UNC5A: variants seen among roughly 807,000 people sequenced by gnomAD.
UNC5A encodes the protein netrin receptor UNC5A.
UNC5A carries 20 observed loss-of-function variants against 87.4 expected under a neutral mutation model. The observed-to-expected ratio is 0.23, with a 90% CI of 0.16 to 0.33. UNC5A has a LOEUF of 0.33. Ranked by LOEUF, UNC5A falls within the 10% of genes least tolerant of loss-of-function variation. The pLI is 1.00. For synonymous variants in UNC5A, 438 were observed against 482.3 expected (o/e 0.91, Z 1.20); for missense variants, 844 against 1,133.4 (o/e 0.74, Z 3.67).
intron 2 of UNC5A, among the ~76,000 whole-genome samples, chr5:176,867,389 C>T (rs1004081726): frequency 5.9e-5 from 9 of 152,052 alleles, no homozygotes; most frequent in East Asian, 5.8e-4. Context: ...TTAGGCAGAG[C>T]GGGTCCTAGA....
rs543681671 is a variant in UNC5A, at chr5:176,844,964, G to T, written c.71-17660G>T. ...TTGCCGGAAAAGCCCCACCTTATCAGAGGGCGGTGGTCTTGCCCTCCCCTG... is the reference window on the plus strand; with the variant it reads ...TTGCCGGAAAAGCCCCACCTTATCATAGGGCGGTGGTCTTGCCCTCCCCTG... On this transcript the variant is annotated intron_variant, in intron 1 of 14. Transcript: ENST00000329542. This position sits in a 1 kb window ranked among gnomAD's most constrained non-coding sequence, Gnocchi z 4.2. Among the ~76,000 whole-genome samples, 6 of 152,194 alleles carry T rather than the reference G, an allele frequency of 3.9e-5. No individual in the cohort carries two copies. Among genetic ancestry groups the T allele is most frequent in the Non-Finnish European group, 8.8e-5 (6 of 68,036 alleles).
chr5:176,868,297 G>A (rs1401957110), intron 3 of UNC5A, 24 bp downstream of exon 3: 1 of 1,611,736 alleles, frequency 6.2e-7, no homozygotes, highest in South Asian at 1.1e-5. Flanking sequence ...TGGGCCCTGG[G>A]GGAGGGCGCA....
intron 6 of UNC5A, among the ~76,000 whole-genome samples, chr5:176,870,810 C>T (rs1455790252): frequency 6.6e-6 from 1 of 151,830 alleles, no homozygotes; most frequent in Non-Finnish European, 1.5e-5. Context: ...TTCACATCTG[C>T]CCACACTCAC....
intron 1 of UNC5A, among the ~76,000 whole-genome samples, chr5:176,857,679 A>T (rs1198710603): frequency 6.6e-6 from 1 of 152,140 alleles, no homozygotes; most frequent in African/African-American, 2.4e-5. Flanking sequence ...CTCCTGAGAG[A>T]GGCAGGGCCA....
chr5:176,826,608 C>A (rs540043912), intron 1 of UNC5A, among the ~76,000 whole-genome samples: 1 of 149,172 alleles, frequency 6.7e-6, no homozygotes, highest in East Asian at 2.0e-4. Flanking sequence ...CAATGTTATG[C>A]GACCATCACT....
intron 1 of UNC5A, among the ~76,000 whole-genome samples, chr5:176,852,362 C>G (rs1757565390): frequency 6.6e-6 from 1 of 151,164 alleles, no homozygotes; most frequent in Non-Finnish European, 1.5e-5. Context: ...CATACACACC[C>G]CACACACAGA....
In UNC5A at chr5:176,880,029, G is replaced by C; in HGVS notation, c.*143G>C. Reference sequence around the variant, plus strand: ...CGGCCGAAGCTGTCCCTTAATGCTGGTCCTTCAGACCCTGCCCGAACTCCC... The same window carrying C: ...CGGCCGAAGCTGTCCCTTAATGCTGCTCCTTCAGACCCTGCCCGAACTCCC... On this transcript the variant is annotated 3_prime_UTR_variant, in exon 15 of 15. Coordinates refer to ENST00000329542, the MANE Select transcript of UNC5A (RefSeq NM_133369.3). 1 of 1,153,900 alleles carries C rather than the reference G, an allele frequency of 8.7e-7. No homozygotes were observed. Among genetic ancestry groups the C allele is most frequent in the Non-Finnish European group, 1.2e-6 (1 of 842,820 alleles). The allele number at this position is 1,153,900 out of a possible 1,614,324, so 71.5% of individuals were successfully genotyped here. A position where few individuals can be genotyped will look rare whatever the true frequency, so the allele number is the denominator to read the frequency against.
Position 176,877,955 on chromosome 5 carries a change from G to A in UNC5A, c.1697G>A (p.Ser566Asn). The A allele has an allele frequency of 6.2e-7, 1 of 1,604,300 alleles. No homozygotes were observed. The highest frequency in any genetic ancestry group is 8.5e-7 in the Non-Finnish European group (1 of 1,179,904). ...CTCTACTACTGCCAGCTGGAGGCCA[G>A]TGCCTGCTACGTCTTCACCGAGCAG... ...SHLYYCQLEA[S>N]ACYVFTEQLG... Residue 566 changes from serine to asparagine, a missense_variant, in exon 11 of 15, where the codon AGT becomes AAT. Physicochemically the swap from Ser to Asn is conservative, Grantham distance 46. Transcript: ENST00000329542.
rs1561673882 is a variant in UNC5A, at chr5:176,880,453, AC to A, written c.*573del. 2 of 147,792 alleles carry A rather than the reference AC, an allele frequency of 1.4e-5. No homozygotes were observed. The highest frequency in any genetic ancestry group is 3.0e-5 in the Non-Finnish European group (2 of 67,024). 9.2% of individuals were successfully genotyped at this position (147,792 alleles called of 1,614,324 possible). On this transcript the variant is annotated 3_prime_UTR_variant, in exon 15 of 15. Coordinates refer to ENST00000329542, the MANE Select transcript of UNC5A (RefSeq NM_133369.3). ...TGCCTCGTGTGCTCATCTCACACAC[AC>A]CCCCCTCCCGGGTCACGCAGACACC...
At chr5:176,864,397 C>T (rs1014497004) in intron 2 of UNC5A, among the ~76,000 whole-genome samples, 3 of 152,220 alleles carry the variant, frequency 2.0e-5, no homozygotes, top group Non-Finnish European at 2.9e-5. Flanking sequence ...GTAGGAAGAC[C>T]GTGCTGGGCA....
intron 1 of UNC5A, among the ~76,000 whole-genome samples, chr5:176,822,771 G>T (rs1057377266): frequency 6.6e-6 from 1 of 152,240 alleles, no homozygotes; most frequent in Admixed American, 6.5e-5. Context: ...TGGGACCTTG[G>T]CATGTGGTGG....
At chr5:176,879,247 G>A (rs2149371419) in intron 13 of UNC5A, 63 bp from the exon 14 acceptor site, 1 of 1,510,898 alleles carries the variant, frequency 6.6e-7, no homozygotes, top group East Asian at 2.3e-5. Context: ...CCCAGCAGGA[G>A]GTGGCGGTGG....
At chr5:176,876,955 G>GA (rs1188454393) in intron 8 of UNC5A, among the ~76,000 whole-genome samples, 1 of 152,332 alleles carries the variant, frequency 6.6e-6, no homozygotes, top group African/African-American at 2.4e-5. Context: ...TTCTGTGCCT[G>GA]AGCTAGCCAG....
chr5:176,843,882 C>T (rs559508420), intron 1 of UNC5A, among the ~76,000 whole-genome samples: 1 of 152,360 alleles, frequency 6.6e-6, no homozygotes, highest in South Asian at 2.1e-4. Context: ...AGACGTGCGG[C>T]GCGTGGGGAG....
rs992105180 is a variant in UNC5A at position 176,880,569 on chromosome 5, C to T, written c.*683C>T. ...GCACATTTGCCTCTCACATGCTGCCCTCTCCACCCACCCAGGGACACCCCA... is the reference window on the plus strand; with the variant it reads ...GCACATTTGCCTCTCACATGCTGCCTTCTCCACCCACCCAGGGACACCCCA... On this transcript the variant is annotated 3_prime_UTR_variant, in exon 15 of 15. Coordinates refer to ENST00000329542, the MANE Select transcript of UNC5A (RefSeq NM_133369.3). 1 of 156,648 alleles carries T rather than the reference C, an allele frequency of 6.4e-6. No individual in the cohort carries two copies. Among genetic ancestry groups the T allele is most frequent in the Non-Finnish European group, 1.4e-5 (1 of 70,876 alleles). 9.7% of individuals were successfully genotyped at this position (156,648 alleles called of 1,614,324 possible).
chr5:176,874,964 A>G lies in UNC5A; in HGVS notation c.1378+398A>G, dbSNP rs1323709505. On this transcript the variant is annotated intron_variant, in intron 8 of 14. Coordinates refer to ENST00000329542, the MANE Select transcript of UNC5A (RefSeq NM_133369.3). This position sits in a 1 kb window ranked among gnomAD's most constrained non-coding sequence, Gnocchi z 7.6. ...CCCCACTGCATCCTGGCTTCCACCC[A>G]CCCCAGCACCGAAACCCTCTGAAGA... Among the ~76,000 whole-genome samples the G allele has an allele frequency of 6.6e-6, 1 of 151,982 alleles. No homozygotes were observed. Among genetic ancestry groups the G allele is most frequent in the African/African-American group, 2.4e-5 (1 of 41,372 alleles).
chr5:176,834,854 A>G (rs1030783309), intron 1 of UNC5A, among the ~76,000 whole-genome samples: 1 of 151,998 alleles, frequency 6.6e-6, no homozygotes, highest in Non-Finnish European at 1.5e-5. Context: ...TTACAACTCA[A>G]TCTGCCACTG....
Position 176,875,363 on chromosome 5 carries a change from C to A in UNC5A, c.1378+797C>A, listed in dbSNP as rs970417814. Among the ~76,000 whole-genome samples the A allele has an allele frequency of 6.6e-6, 1 of 152,112 alleles. No individual in the cohort carries two copies. Among genetic ancestry groups the A allele is most frequent in the Non-Finnish European group, 1.5e-5 (1 of 68,026 alleles). On this transcript the variant is annotated intron_variant, in intron 8 of 14. Transcript: ENST00000329542. The surrounding 1 kb of genome is among the most constrained non-coding windows in gnomAD (Gnocchi z 5.2). ...GCCTAAAACAGAACCGTCTCCCACC[C>A]TCCCCCAGAGCCTCCCCATTCCTGG...
chr5:176,834,745 CCT>C (rs1162498354), intron 1 of UNC5A, among the ~76,000 whole-genome samples: 7 of 148,072 alleles, frequency 4.7e-5, no homozygotes, highest in Non-Finnish European at 1.0e-4. Context: ...TCTCCCTCTC[CCT>C]CTCTCTCTCC....
Sources: allele counts gnomAD v4.1 joint callset (sites outside exome capture counted in the v4.1 genomes callset), GRCh38; gene constraint gnomAD v4.1.1; non-coding constraint Gnocchi (gnomAD v3.1); transcripts MANE v1.5; gene names NCBI Gene and HGNC (gene_info 2026-07-23, HGNC 2026-07-21).